Variants in AMMECR1 observed in about 807,000 individuals in gnomAD.
AMMECR1 encodes the protein nuclear protein AMMECR1.
AMMECR1 carries 3 observed loss-of-function variants against 22.5 expected under a neutral mutation model. That is an observed-to-expected ratio of 0.13 (90% CI 0.06 to 0.35). The LOEUF is 0.35. Among genes scored for constraint, AMMECR1 ranks in the 10% least tolerant of loss-of-function variants. AMMECR1 has a pLI of 1.00. For missense variants in AMMECR1, 235 were observed against 278.7 expected, an observed-to-expected ratio of 0.84 and a Z score of 1.12; for synonymous variants, 130 against 116.7, an observed-to-expected ratio of 1.11 and a Z score of -0.74.
intron 1 of AMMECR1, among the ~76,000 whole-genome samples, chrX:110,278,170 C>T (rs2067835779): frequency 9.0e-6 from 1 of 111,610 alleles, no homozygotes. Flanking sequence ...CACCTAAGGC[C>T]AGGAACCCTA....
At chrX:110,275,398 C>A (rs982756904) in intron 1 of AMMECR1, among the ~76,000 whole-genome samples, 1 of 110,838 alleles carries the variant, frequency 9.0e-6, no homozygotes, top group African/African-American at 3.3e-5. Context: ...ACTTTAAAGA[C>A]GTCATTCCAT....
chrX:110,349,172 C>A (rs939331576), intron 2 of AMMECR1, among the ~76,000 whole-genome samples: 1 of 112,025 alleles, frequency 8.9e-6, no homozygotes, highest in African/African-American at 3.2e-5. Context: ...AGGTTCTGTA[C>A]CCGATTAGGT....
intron 2 of AMMECR1, among the ~76,000 whole-genome samples, chrX:110,383,111 C>G (rs1220163116): frequency 5.4e-5 from 6 of 111,674 alleles, no homozygotes; most frequent in Non-Finnish European, 7.5e-5. Flanking sequence ...ATCTCAGAAC[C>G]ACCCCTCTTC....
At chrX:110,339,650 C>T (rs2068156149) in intron 2 of AMMECR1, among the ~76,000 whole-genome samples, 1 of 109,817 alleles carries the variant, frequency 9.1e-6, no homozygotes, top group Non-Finnish European at 1.9e-5. Flanking sequence ...GCATGCGCCA[C>T]CACGCCCGGC....
At chrX:110,215,341 T>A (rs1244575341) in intron 3 of AMMECR1, among the ~76,000 whole-genome samples, 1 of 108,968 alleles carries the variant, frequency 9.2e-6, no homozygotes, top group African/African-American at 3.5e-5. Context: ...TATCATAGAG[T>A]TTTTTTTCAA....
intron 2 of AMMECR1, among the ~76,000 whole-genome samples, chrX:110,235,053 A>G (rs2067592757): frequency 8.9e-6 from 1 of 112,037 alleles, no homozygotes. Context: ...AACCTACAGA[A>G]TGGGAGAAAA....
intron 3 of AMMECR1, among the ~76,000 whole-genome samples, chrX:110,213,988 G>C (rs1402781269): frequency 3.6e-5 from 4 of 111,123 alleles, no homozygotes; most frequent in Non-Finnish European, 7.6e-5. Flanking sequence ...TGGGGGCCAG[G>C]CACGGTGGCT....
chrX:110,396,046 A>C (rs1238275377), intron 2 of AMMECR1, among the ~76,000 whole-genome samples: 1 of 111,685 alleles, frequency 9.0e-6, no homozygotes, highest in Non-Finnish European at 1.9e-5. Flanking sequence ...TGATTATCTA[A>C]TATCTAAATG....
chrX:110,222,533 A>C (rs1391343879), intron 2 of AMMECR1, among the ~76,000 whole-genome samples: 1 of 98,903 alleles, frequency 1.0e-5, no homozygotes, highest in African/African-American at 3.7e-5. Flanking sequence ...CCAGCATGGC[A>C]CATGTATACA....
intron 1 of AMMECR1, among the ~76,000 whole-genome samples, chrX:110,314,795 T>C (rs1291782444): frequency 8.9e-6 from 1 of 111,896 alleles, no homozygotes; most frequent in Non-Finnish European, 1.9e-5. Flanking sequence ...AATCAAAACA[T>C]GGGGGCAACA....
intron 2 of AMMECR1, among the ~76,000 whole-genome samples, chrX:110,426,342 A>G (rs774180966): frequency 9.0e-6 from 1 of 111,595 alleles, no homozygotes; most frequent in Non-Finnish European, 1.9e-5. Flanking sequence ...TCTGTACCCT[A>G]ATGGACAATT....
chrX:110,400,795 C>A (rs2068559185), intron 2 of AMMECR1, among the ~76,000 whole-genome samples: 2 of 111,353 alleles, frequency 1.8e-5, no homozygotes, highest in South Asian at 7.7e-4. Flanking sequence ...TGAATGTGAG[C>A]CCCTTGAGAA....
chrX:110,216,134 T>G (rs1444018755), intron 3 of AMMECR1, among the ~76,000 whole-genome samples: 1 of 112,017 alleles, frequency 8.9e-6, no homozygotes, highest in Non-Finnish European at 1.9e-5. Context: ...TATTTCTTCT[T>G]GTTTCTGAGA....
chrX:110,352,427 A>G (rs1031940823), intron 2 of AMMECR1, among the ~76,000 whole-genome samples: 7 of 112,414 alleles, frequency 6.2e-5, no homozygotes, highest in African/African-American at 1.9e-4. Context: ...ACTATTCTAA[A>G]TGAAAGAAAC....
chrX:110,252,740 A>G (rs935035333), intron 2 of AMMECR1, among the ~76,000 whole-genome samples: 1 of 112,590 alleles, frequency 8.9e-6, no homozygotes, highest in African/African-American at 3.2e-5. Flanking sequence ...AATGCCTACT[A>G]TGTACCACGT....
chrX:110,356,674 T>C (rs1028439977), intron 2 of AMMECR1, among the ~76,000 whole-genome samples: 2 of 111,257 alleles, frequency 1.8e-5, no homozygotes, highest in Admixed American at 9.6e-5. Flanking sequence ...TATATATATA[T>C]ACACACCTTA....
chrX:110,388,946 T>C (rs941722445), intron 2 of AMMECR1, among the ~76,000 whole-genome samples: 6 of 112,111 alleles, frequency 5.4e-5, no homozygotes, highest in Non-Finnish European at 1.1e-4. Context: ...GTACCAGGGG[T>C]ATCATATCTT....
intron 2 of AMMECR1, among the ~76,000 whole-genome samples, chrX:110,247,657 C>T (rs2067665287): frequency 9.1e-6 from 1 of 109,586 alleles, no homozygotes; most frequent in African/African-American, 3.3e-5. Context: ...CACCACTGCA[C>T]TCCAGCCTAG....
intron 2 of AMMECR1, among the ~76,000 whole-genome samples, chrX:110,249,324 T>C (rs1271597401): frequency 1.8e-5 from 2 of 110,408 alleles, no homozygotes; most frequent in Non-Finnish European, 3.8e-5. Flanking sequence ...GGGGGAGTGA[T>C]ATTACTGGAA....
Sources: gnomAD v4.1 joint callset for allele counts (sites outside exome capture counted in the v4.1 genomes callset) on GRCh38, gnomAD v4.1.1 for gene constraint, MANE v1.5 for transcripts, NCBI Gene and HGNC (gene_info 2026-07-23, HGNC 2026-07-21) for gene names.